CPA6: variants seen among roughly 807,000 people sequenced by gnomAD.
CPA6 encodes the protein carboxypeptidase A6.
In CPA6, 58 loss-of-function variants were observed where a neutral mutation model predicts 63.3. The ratio of observed to expected loss-of-function variants is 0.92; its 90% CI spans 0.74 to 1.14. CPA6 has a LOEUF of 1.14. Ranked by LOEUF, CPA6 falls within the 50% of genes most tolerant of loss-of-function variation. The pLI is 0.00. For synonymous variants in CPA6, 185 were observed against 179.0 expected (o/e 1.03, Z -0.27); for missense variants, 565 against 526.6 (o/e 1.07, Z -0.71).
intron 2 of CPA6, among the ~76,000 whole-genome samples, chr8:67,596,544 T>C (rs1356383224): frequency 2.0e-5 from 3 of 152,086 alleles, no homozygotes; most frequent in Admixed American, 2.0e-4. Flanking sequence ...TTTTTTTTTT[T>C]TACTCTACTT....
At chr8:67,470,712 A>G (rs962525544) in intron 8 of CPA6, among the ~76,000 whole-genome samples, 1 of 152,020 alleles carries the variant, frequency 6.6e-6, no homozygotes, top group African/African-American at 2.4e-5. Flanking sequence ...TTTTTTTCAC[A>G]TGGTTGCTTA....
chr8:67,723,990 A>G (rs1817551188), intron 1 of CPA6, among the ~76,000 whole-genome samples: 1 of 152,232 alleles, frequency 6.6e-6, no homozygotes, highest in Admixed American at 6.5e-5. Context: ...TTGGTAAAGA[A>G]GCATGTGTTA....
chr8:67,714,985 C>T (rs1173870428), intron 1 of CPA6, among the ~76,000 whole-genome samples: 6 of 152,176 alleles, frequency 3.9e-5, no homozygotes, highest in Non-Finnish European at 7.3e-5. Context: ...TTAGAAAAGG[C>T]ACCTCCCTTG....
At chr8:67,449,899 T>C (rs906089638) in intron 8 of CPA6, among the ~76,000 whole-genome samples, 2 of 142,938 alleles carry the variant, frequency 1.4e-5, no homozygotes, top group Admixed American at 1.5e-4. Flanking sequence ...CACTGCAACC[T>C]CCACCTCCCG....
chr8:67,499,864 G>A (rs1811796927), intron 6 of CPA6, among the ~76,000 whole-genome samples: 1 of 152,138 alleles, frequency 6.6e-6, no homozygotes, highest in Admixed American at 6.6e-5. Context: ...TCCATGGTAT[G>A]GATGTACTAC....
At chr8:67,534,568 A>C (rs750016859) in intron 2 of CPA6, among the ~76,000 whole-genome samples, 5 of 152,216 alleles carry the variant, frequency 3.3e-5, no homozygotes, top group Non-Finnish European at 5.9e-5. Flanking sequence ...GAATAGATGC[A>C]CATTGAAGGT....
chr8:67,613,299 T>C (rs1047330244), intron 2 of CPA6, among the ~76,000 whole-genome samples: 3 of 152,230 alleles, frequency 2.0e-5, no homozygotes, highest in African/African-American at 7.2e-5. Context: ...GTGTTGTTTG[T>C]ATTATAATTA....
Position 67,615,963 on chromosome 8 carries a change from G to C in CPA6, c.192+8213C>G, listed in dbSNP as rs763440511. On this transcript the variant is annotated intron_variant, in intron 2 of 10. Transcript: ENST00000297770. ...TTACAACTGGTTCAGTATGGTTCGT[G>C]TGATGGGCACTAAGCCAAGGAGTGT... Among the ~76,000 whole-genome samples, 26 of 152,338 alleles carry C rather than the reference G, an allele frequency of 1.7e-4. 1 individual carries two copies. The highest frequency in any genetic ancestry group is 1.4e-3 in the Admixed American group (21 of 15,306).
At chr8:67,617,661 C>A (rs1199549600) in intron 2 of CPA6, among the ~76,000 whole-genome samples, 1 of 152,148 alleles carries the variant, frequency 6.6e-6, no homozygotes, top group African/African-American at 2.4e-5. Flanking sequence ...ACAAGGTTAG[C>A]AGCTCAATTT....
Position 67,557,725 on chromosome 8 carries a change from A to G in CPA6, c.193-39678T>C, listed in dbSNP as rs571367073. On this transcript the variant is annotated intron_variant, in intron 2 of 10. Coordinates refer to ENST00000297770, the MANE Select transcript of CPA6 (RefSeq NM_020361.5). The stretch of plus-strand genomic sequence containing the variant: ...TAGGAGTCTTCCTGCAAACTTCTAA[A>G]TTGTAATAATCCTAGCCTATTGCCT... 2.0e-5 allele frequency among the ~76,000 whole-genome samples: 3 copies of G among 152,250 alleles called. No individual in the cohort carries two copies. In the South Asian group the frequency reaches 6.2e-4, roughly 32 times the overall value.
intron 6 of CPA6, among the ~76,000 whole-genome samples, chr8:67,490,483 A>C (rs930564500): frequency 2.0e-5 from 3 of 152,306 alleles, no homozygotes; most frequent in Admixed American, 6.5e-5. Flanking sequence ...GGCGGTCCCT[A>C]GGTACTGCAT....
intron 8 of CPA6, among the ~76,000 whole-genome samples, chr8:67,457,777 C>A (rs933279056): frequency 3.9e-5 from 6 of 152,146 alleles, no homozygotes; most frequent in Non-Finnish European, 8.8e-5. Context: ...CCCTACTGAT[C>A]GAACATTTCT....
At chr8:67,705,844 C>T (rs1817122700) in intron 1 of CPA6, among the ~76,000 whole-genome samples, 1 of 152,172 alleles carries the variant, frequency 6.6e-6, no homozygotes, top group African/African-American at 2.4e-5. Flanking sequence ...TATATGCTCC[C>T]CTTTCACAGG....
At chr8:67,639,917 A>G (rs1200323786) in intron 1 of CPA6, among the ~76,000 whole-genome samples, 1 of 151,284 alleles carries the variant, frequency 6.6e-6, no homozygotes, top group Non-Finnish European at 1.5e-5. Context: ...GTGTCCTGAC[A>G]AGTGTTCAGC....
intron 2 of CPA6, among the ~76,000 whole-genome samples, chr8:67,578,399 C>A (rs563382965): frequency 6.6e-6 from 1 of 152,204 alleles, no homozygotes; most frequent in South Asian, 2.1e-4. Context: ...ACCTTCCCAA[C>A]CCATGACTTT....
At chr8:67,651,008 A>G (rs1013947035) in intron 1 of CPA6, among the ~76,000 whole-genome samples, 3 of 152,194 alleles carry the variant, frequency 2.0e-5, no homozygotes, top group African/African-American at 7.2e-5. Context: ...GGGGATGTTA[A>G]TAGTAGCAGT....
At position 67,453,490 on chromosome 8, in the gene CPA6, G is replaced by A. The variant is rs532621628; in HGVS notation, c.839-19250C>T. ...TCTATTAGATACCCCCAGTGAAGAT[G>A]CTAATAGATATGATATATGGAGCTT... On this transcript the variant is annotated intron_variant, in intron 8 of 10. Transcript: ENST00000297770. Among the ~76,000 whole-genome samples the A allele has an allele frequency of 3.1e-4, 47 of 152,260 alleles. 1 individual carries two copies. The highest frequency in any genetic ancestry group is 3.1e-3 in the Admixed American group (47 of 15,290).
chr8:67,532,467 A>G (rs554024085), intron 2 of CPA6, among the ~76,000 whole-genome samples: 1 of 152,244 alleles, frequency 6.6e-6, no homozygotes, highest in Non-Finnish European at 1.5e-5. Flanking sequence ...ACTTGAGCCC[A>G]GGAGTTTGAG....
chr8:67,445,451 T>C (rs1425429858), intron 8 of CPA6, among the ~76,000 whole-genome samples: 1 of 149,976 alleles, frequency 6.7e-6, no homozygotes, highest in Non-Finnish European at 1.5e-5. Context: ...ACTTTTTGCA[T>C]ATCCCTGATA....
Sources: gnomAD v4.1 joint callset for allele counts (sites outside exome capture counted in the v4.1 genomes callset) on GRCh38, gnomAD v4.1.1 for gene constraint, MANE v1.5 for transcripts, NCBI Gene and HGNC (gene_info 2026-07-23, HGNC 2026-07-21) for gene names.